TSPAN18: variants seen among roughly 807,000 people sequenced by gnomAD.
TSPAN18 encodes tetraspanin-18.
In TSPAN18, 14 loss-of-function variants were observed where a neutral mutation model predicts 27.3. The ratio of observed to expected loss-of-function variants is 0.51; its 90% CI spans 0.34 to 0.80. The LOEUF (loss-of-function observed/expected upper bound fraction) is 0.80. TSPAN18 is among the 30% of genes least tolerant of loss of function. The pLI, the probability that TSPAN18 is intolerant of heterozygous loss-of-function variation, is 0.01. For synonymous variants in TSPAN18, 143 were observed against 136.5 expected (o/e 1.05, Z -0.33); for missense variants, 268 against 323.9 (o/e 0.83, Z 1.32).
At chr11:44,788,483 A>G (rs1856115188) in intron 2 of TSPAN18, among the ~76,000 whole-genome samples, 1 of 131,126 alleles carries the variant, frequency 7.6e-6, no homozygotes, top group Non-Finnish European at 1.5e-5. Flanking sequence ...TTTGAGCCAG[A>G]GTCTTGCTAT....
intron 3 of TSPAN18, among the ~76,000 whole-genome samples, chr11:44,868,419 C>T (rs1746737201): frequency 6.6e-6 from 1 of 152,154 alleles, no homozygotes; most frequent in Non-Finnish European, 1.5e-5. Flanking sequence ...AGGATCCTGT[C>T]GGGGCCCGAG....
chr11:44,919,794 C>T (rs1237407938), intron 7 of TSPAN18, 23 bp from the exon 8 acceptor site: 1 of 1,613,514 alleles, frequency 6.2e-7, no homozygotes, highest in Non-Finnish European at 8.5e-7. Context: ...CCCACCAGAA[C>T]CTTCTCTGGG....
chr11:44,762,304 A>G (rs1253837944), intron 1 of TSPAN18, among the ~76,000 whole-genome samples: 1 of 152,250 alleles, frequency 6.6e-6, no homozygotes, highest in Non-Finnish European at 1.5e-5. Context: ...CAGCTATGAA[A>G]AGGACTCAAG....
At chr11:44,864,033 A>G (rs1324470946) in intron 3 of TSPAN18, among the ~76,000 whole-genome samples, 1 of 151,970 alleles carries the variant, frequency 6.6e-6, no homozygotes, top group African/African-American at 2.4e-5. Context: ...TCATGCCTAT[A>G]ATCCCAGCAT....
At chr11:44,922,347 G>C (rs1422303757) in intron 8 of TSPAN18, among the ~76,000 whole-genome samples, 3 of 152,178 alleles carry the variant, frequency 2.0e-5, no homozygotes, top group Non-Finnish European at 4.4e-5. Context: ...TCAAACTCCT[G>C]ACCTCAAATG....
intron 2 of TSPAN18, among the ~76,000 whole-genome samples, chr11:44,782,242 T>A (rs969603603): frequency 6.6e-6 from 1 of 152,094 alleles, no homozygotes; most frequent in Non-Finnish European, 1.5e-5. Context: ...GGTAGGTGTA[T>A]GTATAACTTA....
chr11:44,912,192 T>G (rs1285273080), intron 5 of TSPAN18, among the ~76,000 whole-genome samples: 1 of 151,966 alleles, frequency 6.6e-6, no homozygotes, highest in Non-Finnish European at 1.5e-5. Flanking sequence ...CAGCTAATTT[T>G]TGTATTTTTT....
Position 44,808,293 on chromosome 11 carries a change from C to A in TSPAN18, c.-153+43781C>A, listed in dbSNP as rs1163658817. Among the ~76,000 whole-genome samples the A allele has an allele frequency of 2.6e-5, 4 of 152,202 alleles. 1 individual carries two copies. The highest frequency in any genetic ancestry group is 7.2e-5 in the African/African-American group (3 of 41,440). ...TGCGAGGATTGGAAACCTCTACCAT[C>A]TTCCTCCAGCATCTTGAGGGTGGGT... On this transcript the variant is annotated intron_variant, in intron 2 of 9. Transcript: ENST00000520358.
chr11:44,854,194 A>AGGGGGGGGGGGGG, intron 2 of TSPAN18, among the ~76,000 whole-genome samples: 1 of 2,142 alleles, frequency 4.7e-4, no homozygotes, highest in African/African-American at 9.2e-4. Flanking sequence ...TCATTGGGGC[A>AGGGGGGGGGGGGG]GGGGGTGGGG....
chr11:44,820,775 C>G (rs935008656), intron 2 of TSPAN18, among the ~76,000 whole-genome samples: 2 of 151,804 alleles, frequency 1.3e-5, no homozygotes, highest in Non-Finnish European at 2.9e-5. Context: ...GTTTCGTGCC[C>G]TCCCTGCAAT....
At chr11:44,848,331 C>A (rs1857526796) in intron 2 of TSPAN18, among the ~76,000 whole-genome samples, 1 of 152,146 alleles carries the variant, frequency 6.6e-6, no homozygotes, top group African/African-American at 2.4e-5. Flanking sequence ...GAACCAGGCC[C>A]CTTCCTGCTC....
intron 3 of TSPAN18, among the ~76,000 whole-genome samples, chr11:44,871,692 G>A (rs1385279607): frequency 6.6e-6 from 1 of 152,208 alleles, no homozygotes; most frequent in Non-Finnish European, 1.5e-5. Context: ...GGTCCCAGAA[G>A]CAGCTTGAAA....
Position 44,780,977 on chromosome 11 carries a change from G to T in TSPAN18, c.-153+16465G>T, listed in dbSNP as rs548154824. Among the ~76,000 whole-genome samples, 5 of 152,358 alleles carry T rather than the reference G, an allele frequency of 3.3e-5. No individual in the cohort carries two copies. The South Asian group carries it at 1.0e-3, about 32-fold the overall frequency. On this transcript the variant is annotated intron_variant, in intron 2 of 9. Transcript: ENST00000520358. ...GTGGAGTACCTGCTTTTCAGACACG[G>T]CGGTGAGCTTATTTTTTCTGTCCCT...
At position 44,834,463 on chromosome 11, in the gene TSPAN18, C is replaced by A. The variant is rs147139040; in HGVS notation, c.-152-25865C>A. Among the ~76,000 whole-genome samples, 142 of 151,590 alleles carry A rather than the reference C, an allele frequency of 9.4e-4. 2 individuals are homozygous for A. In the East Asian group the frequency reaches 0.024, roughly 26 times the overall value. On this transcript the variant is annotated intron_variant, in intron 2 of 9. Coordinates refer to ENST00000520358, the MANE Select transcript of TSPAN18 (RefSeq NM_130783.5). ...GTGTGTGCCTGGGTTGTGAAGTTGG[C>A]AAATGATGAATCTATTTTTTTTTCC...
At chr11:44,794,075 T>A (rs1044766812) in intron 2 of TSPAN18, among the ~76,000 whole-genome samples, 8 of 152,276 alleles carry the variant, frequency 5.3e-5, no homozygotes, top group Admixed American at 4.6e-4. Context: ...TATCCAGGAA[T>A]CAGCCATTAG....
chr11:44,729,814 G>A (rs771769634), intron 1 of TSPAN18, among the ~76,000 whole-genome samples: 2 of 152,176 alleles, frequency 1.3e-5, no homozygotes, highest in African/African-American at 2.4e-5. Context: ...GTGTTGGAGG[G>A]CAGGGTGCTG....
chr11:44,755,741 C>G (rs1855317100), intron 1 of TSPAN18, among the ~76,000 whole-genome samples: 1 of 152,182 alleles, frequency 6.6e-6, no homozygotes, highest in South Asian at 2.1e-4. Flanking sequence ...GATCCTGTGG[C>G]CTGGCATCGG....
intron 3 of TSPAN18, among the ~76,000 whole-genome samples, chr11:44,865,542 T>C (rs1030688188): frequency 6.6e-6 from 1 of 152,038 alleles, no homozygotes; most frequent in African/African-American, 2.4e-5. Context: ...AATATAGGCT[T>C]CTTAAAAATT....
At chr11:44,768,311 C>A (rs776858873) in intron 2 of TSPAN18, among the ~76,000 whole-genome samples, 1 of 152,174 alleles carries the variant, frequency 6.6e-6, no homozygotes, top group Non-Finnish European at 1.5e-5. Flanking sequence ...ACAGATCTTA[C>A]ACATATTTTA....
Sources: gnomAD v4.1 joint callset for allele counts (sites outside exome capture counted in the v4.1 genomes callset) on GRCh38, gnomAD v4.1.1 for gene constraint, MANE v1.5 for transcripts, NCBI Gene and HGNC (gene_info 2026-07-23, HGNC 2026-07-21) for gene names.